Variants in CIMIP6 observed in about 807,000 individuals in gnomAD.
CIMIP6 encodes uncharacterized protein C2orf73.
chr2:54,350,649 G>A, the CIMIP6 span, among the ~76,000 whole-genome samples: 1 of 152,172 alleles, frequency 6.6e-6, no homozygotes, highest in Non-Finnish European at 1.5e-5. Context: ...TACGGGGAGG[G>A]GACTATATAA....
the CIMIP6 span, among the ~76,000 whole-genome samples, chr2:54,353,049 G>A: frequency 3.9e-5 from 6 of 152,254 alleles, 1 homozygote; most frequent in African/African-American, 1.2e-4. Context: ...TTTGCTTTAC[G>A]CAGTTCACTT....
At chr2:54,334,421 C>T in the CIMIP6 span, among the ~76,000 whole-genome samples, 6 of 152,170 alleles carry the variant, frequency 3.9e-5, no homozygotes, top group East Asian at 9.6e-4. Flanking sequence ...ACTAGGTAAA[C>T]GGGAGAATAA....
the CIMIP6 span, among the ~76,000 whole-genome samples, chr2:54,348,818 C>T: frequency 2.8e-3 from 432 of 152,228 alleles, 1 homozygote; most frequent in African/African-American, 9.4e-3. Context: ...TCCATCAGCC[C>T]ACTTAATTAC....
the CIMIP6 span, among the ~76,000 whole-genome samples, chr2:54,355,949 C>T: frequency 2.0e-5 from 3 of 152,082 alleles, no homozygotes; most frequent in Non-Finnish European, 2.9e-5. Context: ...CTAGGGGAAT[C>T]AGTAGGCCTG....
the CIMIP6 span, among the ~76,000 whole-genome samples, chr2:54,347,339 T>C: frequency 6.6e-6 from 1 of 152,220 alleles, no homozygotes; most frequent in Non-Finnish European, 1.5e-5. Context: ...CTGGAAATGA[T>C]GCATTAGAAG....
the CIMIP6 span, among the ~76,000 whole-genome samples, chr2:54,331,702 T>C: frequency 6.6e-6 from 1 of 151,756 alleles, no homozygotes; most frequent in Non-Finnish European, 1.5e-5. Context: ...AATCAGAAAC[T>C]CTATGGCTGG....
chr2:54,375,829 T>C, the CIMIP6 span, among the ~76,000 whole-genome samples: 1 of 152,092 alleles, frequency 6.6e-6, no homozygotes, highest in Non-Finnish European at 1.5e-5. Flanking sequence ...CACAAAGCTA[T>C]TGATATAGGT....
At chr2:54,345,388 T>G in the CIMIP6 span, among the ~76,000 whole-genome samples, 1 of 152,192 alleles carries the variant, frequency 6.6e-6, no homozygotes, top group Admixed American at 6.5e-5. Context: ...AGATTTCCCC[T>G]CACCTCAAAT....
At chr2:54,357,891 A>G in the CIMIP6 span, among the ~76,000 whole-genome samples, 1 of 151,940 alleles carries the variant, frequency 6.6e-6, no homozygotes, top group African/African-American at 2.4e-5. Flanking sequence ...AGCCACATAC[A>G]TATTTTTTAA....
chr2:54,366,598 A>C, the CIMIP6 span, among the ~76,000 whole-genome samples: 1 of 152,186 alleles, frequency 6.6e-6, no homozygotes, highest in East Asian at 1.9e-4. Context: ...ACCACAGAAT[A>C]TCACATCTAA....
chr2:54,380,011 T>C, the CIMIP6 span, among the ~76,000 whole-genome samples: 2 of 149,840 alleles, frequency 1.3e-5, no homozygotes, highest in Non-Finnish European at 3.0e-5. Context: ...GGTGTGGTGT[T>C]GTGCACCTCT....
chr2:54,373,280 C>T, the CIMIP6 span, among the ~76,000 whole-genome samples: 1,907 of 152,122 alleles, frequency 0.013, 46 homozygotes, highest in African/African-American at 0.043. Flanking sequence ...CGGAACCTGC[C>T]GCGCATGCTT....
At chr2:54,350,928 C>G in the CIMIP6 span, among the ~76,000 whole-genome samples, 10 of 152,296 alleles carry the variant, frequency 6.6e-5, no homozygotes, top group Admixed American at 6.5e-4. Flanking sequence ...AGTCTGCAGG[C>G]AGTTCAAATT....
chr2:54,358,577 A>G, the CIMIP6 span, among the ~76,000 whole-genome samples: 1 of 151,928 alleles, frequency 6.6e-6, no homozygotes, highest in African/African-American at 2.4e-5. Flanking sequence ...TATTTTTTGT[A>G]GAGATGGGGT....
chr2:54,380,505 A>T, the CIMIP6 span, among the ~76,000 whole-genome samples: 1 of 152,032 alleles, frequency 6.6e-6, no homozygotes, highest in Non-Finnish European at 1.5e-5. Flanking sequence ...CAGCTGATTG[A>T]TAACTTTCTA....
At chr2:54,341,662 T>C in the CIMIP6 span, among the ~76,000 whole-genome samples, 1 of 152,204 alleles carries the variant, frequency 6.6e-6, no homozygotes, top group Non-Finnish European at 1.5e-5. Flanking sequence ...GGGGTTTGAA[T>C]TGTGGCAGTG....
chr2:54,375,085 A>C, the CIMIP6 span, among the ~76,000 whole-genome samples: 1 of 152,322 alleles, frequency 6.6e-6, no homozygotes, highest in Non-Finnish European at 1.5e-5. Context: ...CCAGCATTTA[A>C]AAATATCCCA....
At chr2:54,367,906 T>G in the CIMIP6 span, among the ~76,000 whole-genome samples, 1 of 152,286 alleles carries the variant, frequency 6.6e-6, no homozygotes, top group South Asian at 2.1e-4. Context: ...CTTTTTGAAG[T>G]CTGTAGATTG....
the CIMIP6 span, among the ~76,000 whole-genome samples, chr2:54,347,214 A>G: frequency 7.9e-5 from 12 of 152,220 alleles, no homozygotes; most frequent in Admixed American, 6.5e-4. Context: ...CTACTTAGGT[A>G]TAGGCAAAAT....
Sources: gnomAD v4.1 joint callset for allele counts (sites outside exome capture counted in the v4.1 genomes callset) on GRCh38, gnomAD v4.1.1 for gene constraint, MANE v1.5 for transcripts, NCBI Gene and HGNC (gene_info 2026-07-23, HGNC 2026-07-21) for gene names.